The following SLC24A2 variants were observed in gnomAD, a reference collection of about 807,000 sequenced individuals.
SLC24A2 encodes the protein solute carrier family 24 member 2, also known as sodium/potassium/calcium exchanger 2.
Under a neutral mutation model 62.0 loss-of-function variants are expected in SLC24A2, and 36 were observed. That is an observed-to-expected ratio of 0.58 (90% confidence interval 0.44 to 0.77). The LOEUF (loss-of-function observed/expected upper bound fraction) is 0.77. SLC24A2 is among the 30% of genes least tolerant of loss of function. The probability of loss-of-function intolerance (pLI) is 0.00; values close to 1 mark genes in which losing one functional copy is unlikely to be tolerated. For missense variants in SLC24A2, 846 were observed against 817.9 expected, an observed-to-expected ratio of 1.03 and a Z score of -0.42; for synonymous variants, 358 against 294.0, an observed-to-expected ratio of 1.22 and a Z score of -2.23.
the SLC24A2 span, among the ~76,000 whole-genome samples, chr9:19,810,147 G>A: frequency 6.6e-6 from 1 of 152,158 alleles, no homozygotes; most frequent in African/African-American, 2.4e-5. Context: ...AAGTCTAAAA[G>A]TGGGGAGAGG....
At chr9:19,862,766 G>A in the SLC24A2 span, among the ~76,000 whole-genome samples, 1 of 151,926 alleles carries the variant, frequency 6.6e-6, no homozygotes, top group Non-Finnish European at 1.5e-5. Flanking sequence ...GTTGTTATCA[G>A]CTTAAAATAA....
chr9:20,276,268 C>A, the SLC24A2 span, among the ~76,000 whole-genome samples: 2 of 152,202 alleles, frequency 1.3e-5, no homozygotes, highest in Non-Finnish European at 2.9e-5. Flanking sequence ...TGGGTAAATG[C>A]AGCCATTCCA....
intron 8 of SLC24A2, among the ~76,000 whole-genome samples, chr9:19,534,184 G>A (rs376725147): frequency 5.5e-4 from 83 of 152,286 alleles, no homozygotes; most frequent in African/African-American, 1.9e-3. Flanking sequence ...ACCCATCACA[G>A]TCAATGTGGT....
At chr9:20,084,785 TTAACAATG>T in the SLC24A2 span, among the ~76,000 whole-genome samples, 1 of 152,168 alleles carries the variant, frequency 6.6e-6, no homozygotes, top group South Asian at 2.1e-4. Context: ...CCAAGGGGCT[TTAACAATG>T]AAAGTACCAT....
chr9:20,301,764 A>G, the SLC24A2 span, among the ~76,000 whole-genome samples: 99 of 152,220 alleles, frequency 6.5e-4, no homozygotes, highest in Non-Finnish European at 1.3e-3. Context: ...CTCAAAGTCC[A>G]TGGTTTACAT....
At chr9:19,573,553 G>A (rs1434318242) in intron 6 of SLC24A2, 84 bp from the exon 7 acceptor site, 3 of 853,010 alleles carry the variant, frequency 3.5e-6, no homozygotes, top group East Asian at 2.6e-5. Flanking sequence ...GAGAGAGAGA[G>A]AAAGCAAATG....
intron 2 of SLC24A2, among the ~76,000 whole-genome samples, chr9:19,669,193 A>G (rs1819343260): frequency 6.6e-6 from 1 of 152,136 alleles, no homozygotes; most frequent in South Asian, 2.1e-4. Flanking sequence ...CCAGGAGAAG[A>G]AAAAGAGAAA....
chr9:19,734,264 T>C (rs1036698046), intron 2 of SLC24A2, among the ~76,000 whole-genome samples: 4 of 152,178 alleles, frequency 2.6e-5, no homozygotes, highest in Admixed American at 6.6e-5. Flanking sequence ...TTGGTACCAG[T>C]ACCATGCTGT....
the SLC24A2 span, among the ~76,000 whole-genome samples, chr9:19,951,594 G>C: frequency 4.6e-5 from 7 of 151,880 alleles, no homozygotes; most frequent in East Asian, 1.4e-3. Context: ...CCGGTGTCTG[G>C]TGCAGTTTGT....
the SLC24A2 span, among the ~76,000 whole-genome samples, chr9:20,231,815 T>C: frequency 3.9e-5 from 6 of 152,162 alleles, no homozygotes; most frequent in Non-Finnish European, 8.8e-5. Context: ...CTTGTGCCCG[T>C]TTTCATAGGT....
chr9:20,201,745 T>A, the SLC24A2 span, among the ~76,000 whole-genome samples: 12 of 152,150 alleles, frequency 7.9e-5, no homozygotes, highest in African/African-American at 1.2e-4. Context: ...CTGCTTTGAG[T>A]TTAGAGAGAG....
At chr9:20,163,838 A>G in the SLC24A2 span, among the ~76,000 whole-genome samples, 2 of 152,198 alleles carry the variant, frequency 1.3e-5, no homozygotes, top group Admixed American at 1.3e-4. Flanking sequence ...CATATCTACA[A>G]CTATCTGATC....
At chr9:20,144,911 G>C in the SLC24A2 span, among the ~76,000 whole-genome samples, 1 of 151,962 alleles carries the variant, frequency 6.6e-6, no homozygotes, top group Non-Finnish European at 1.5e-5. Context: ...TGATTAGATG[G>C]CTTGAAGAGG....
At chr9:20,260,066 G>A in the SLC24A2 span, among the ~76,000 whole-genome samples, 13 of 152,216 alleles carry the variant, frequency 8.5e-5, no homozygotes, top group Admixed American at 2.0e-4. Context: ...CTGTGTGACA[G>A]AGTGAGACCC....
At chr9:19,733,541 G>C (rs996972674) in intron 2 of SLC24A2, among the ~76,000 whole-genome samples, 2 of 152,120 alleles carry the variant, frequency 1.3e-5, no homozygotes, top group Non-Finnish European at 2.9e-5. Context: ...CTCACACCTC[G>C]CTCAGCACCC....
chr9:20,019,527 C>T, the SLC24A2 span, among the ~76,000 whole-genome samples: 1 of 151,994 alleles, frequency 6.6e-6, no homozygotes, highest in Non-Finnish European at 1.5e-5. Flanking sequence ...CTGTTCTGTC[C>T]CATTGGACTA....
intron 2 of SLC24A2, among the ~76,000 whole-genome samples, chr9:19,747,497 GACTA>G (rs1821867384): frequency 2.0e-5 from 3 of 152,214 alleles, no homozygotes; most frequent in Middle Eastern, 3.4e-3. Context: ...CATAGAAGAG[GACTA>G]ACTAATACTG....
chr9:19,548,790 C>T (rs1386511602), intron 8 of SLC24A2, among the ~76,000 whole-genome samples: 2 of 152,248 alleles, frequency 1.3e-5, no homozygotes, highest in Admixed American at 6.5e-5. Context: ...GCCACTGGGA[C>T]TTCTCTCATT....
chr9:19,687,409 G>A (rs770643369), intron 2 of SLC24A2, among the ~76,000 whole-genome samples: 2 of 152,108 alleles, frequency 1.3e-5, no homozygotes, highest in African/African-American at 2.4e-5. Context: ...ATGAAACTCT[G>A]TAGGAATTCG....
Sources: gnomAD v4.1 joint callset for allele counts (sites outside exome capture counted in the v4.1 genomes callset) on GRCh38, gnomAD v4.1.1 for gene constraint, MANE v1.5 for transcripts, NCBI Gene and HGNC (gene_info 2026-07-23, HGNC 2026-07-21) for gene names.